The following TAF15 variants were observed in gnomAD, a reference collection of about 807,000 sequenced individuals.
The protein encoded by TAF15 is TATA-binding protein-associated factor 2N.
In TAF15, 37 loss-of-function variants were observed where a neutral mutation model predicts 102.5. That is an observed-to-expected ratio of 0.36 (90% confidence interval 0.28 to 0.47). TAF15 has a LOEUF of 0.47. Among genes scored for constraint, TAF15 ranks in the 20% least tolerant of loss-of-function variants. The pLI, the probability that TAF15 is intolerant of heterozygous loss-of-function variation, is 0.99. For synonymous variants in TAF15, 273 were observed against 259.2 expected, an observed-to-expected ratio of 1.05 and a Z score of -0.51; for missense variants, 652 against 760.7, an observed-to-expected ratio of 0.86 and a Z score of 1.68.
intron 12 of TAF15, among the ~76,000 whole-genome samples, chr17:35,843,574 G>GT (rs1568280802): frequency 6.6e-6 from 1 of 152,060 alleles, no homozygotes; most frequent in East Asian, 1.9e-4. Flanking sequence ...CTCAAACTAA[G>GT]TAGGGTATAG....
chr17:35,827,731 T>A, intron 7 of TAF15, among the ~76,000 whole-genome samples: 1 of 151,846 alleles, frequency 6.6e-6, no homozygotes, highest in South Asian at 2.1e-4. Context: ...GGGGCATAAT[T>A]TGTGGATGAG....
chr17:35,816,498 A>G (rs1326433578), intron 1 of TAF15, among the ~76,000 whole-genome samples: 1 of 152,226 alleles, frequency 6.6e-6, no homozygotes, highest in Non-Finnish European at 1.5e-5. Context: ...AAAAGAAGAA[A>G]GAAAAATTTC....
rs757286232 is a variant in TAF15, at chr17:35,844,755, T to C, written c.1456T>C (p.Tyr486His). Residue 486 changes from tyrosine (Y) to histidine (H), a missense_variant, in exon 15 of 16, where the codon TAT (tyrosine) becomes CAT (histidine). Physicochemically the swap from Tyr to His is moderately conservative, Grantham distance 83. Around this residue, in one of 3 missense-constraint regions of TAF15, gnomAD observed 368 missense variants for 367.5 expected, o/e 1.00. Transcript: ENST00000605844. ...GGGYGGDRGGYGGDRGGGYGG... is the reference protein window; with the variant it reads ...GGGYGGDRGGHGGDRGGGYGG... ...TGGCTATGGAGGAGATCGAGGTGGC[T>C]ATGGAGGAGACCGAGGTGGAGGCTA... 10 of 1,608,150 alleles carry C rather than the reference T, an allele frequency of 6.2e-6. No individual in the cohort carries two copies. The highest frequency in any genetic ancestry group is 5.0e-5 in the Admixed American group (3 of 59,472).
chr17:35,834,872 AGTAGGTGGGACTACAG>A (rs1215310168), intron 9 of TAF15, among the ~76,000 whole-genome samples: 3 of 150,992 alleles, frequency 2.0e-5, no homozygotes, highest in African/African-American at 4.9e-5. Context: ...CTGCCTCCCA[AGTAGGTGGGACTACAG>A]GTGCGCGCCA....
At chr17:35,819,996 T>G in intron 2 of TAF15, 28 bp from the exon 3 acceptor site, 3 of 1,608,574 alleles carry the variant, frequency 1.9e-6, no homozygotes, top group Non-Finnish European at 2.6e-6. Flanking sequence ...TACACATTTC[T>G]TTCAAGTATT....
Position 35,844,708 on chromosome 17 carries a change from G to A in TAF15, c.1409G>A (p.Gly470Asp). Residue 470 changes from glycine (G) to aspartate (D), a missense_variant, in exon 15 of 16, where the codon GGC becomes GAC. Around this residue, in one of 3 missense-constraint regions of TAF15, gnomAD observed 368 missense variants for 367.5 expected, o/e 1.00. Transcript: ENST00000605844. ...GGCTATGGTGGGGACAGAGGAGGCGGCTATGGAGGAGACCGAGGAGGTGGC... is the reference window on the plus strand; with the variant it reads ...GGCTATGGTGGGGACAGAGGAGGCGACTATGGAGGAGACCGAGGAGGTGGC... Reference protein sequence around the residue: ...GGGYGGDRGGGYGGDRGGGYG... With the variant: ...GGGYGGDRGGDYGGDRGGGYG... 6 of 1,598,210 alleles carry A rather than the reference G, an allele frequency of 3.8e-6. No homozygotes were observed. Among genetic ancestry groups the A allele is most frequent in the Non-Finnish European group, 5.1e-6 (6 of 1,171,868 alleles).
intron 7 of TAF15, among the ~76,000 whole-genome samples, chr17:35,831,806 G>T (rs536677617): frequency 4.5e-4 from 68 of 152,258 alleles, no homozygotes; most frequent in African/African-American, 1.6e-3. Context: ...TGAGAGGCCG[G>T]GCGTGGTGGC....
At chr17:35,844,040 T>C (rs753027550) in intron 12 of TAF15, 37 bp from the exon 13 acceptor site, 2 of 1,566,402 alleles carry the variant, frequency 1.3e-6, no homozygotes, top group African/African-American at 2.7e-5. Flanking sequence ...TGTTAATATC[T>C]GCTGCTGATT....
At chr17:35,815,431 A>C (rs189887493) in intron 1 of TAF15, among the ~76,000 whole-genome samples, 3 of 152,196 alleles carry the variant, frequency 2.0e-5, no homozygotes, top group Non-Finnish European at 4.4e-5. Flanking sequence ...GCTTATTTCT[A>C]TATCATCTGG....
At chr17:35,813,335 GAT>G (rs1232700522) in intron 1 of TAF15, among the ~76,000 whole-genome samples, 1 of 151,900 alleles carries the variant, frequency 6.6e-6, no homozygotes, top group Non-Finnish European at 1.5e-5. Context: ...AGGGGGATAA[GAT>G]ATGAAAATGA....
chr17:35,828,901 G>A (rs540067693), intron 7 of TAF15, among the ~76,000 whole-genome samples: 1 of 152,228 alleles, frequency 6.6e-6, no homozygotes, highest in Admixed American at 6.5e-5. Flanking sequence ...TGCTCAACAG[G>A]CCACATGTAG....
intron 1 of TAF15, among the ~76,000 whole-genome samples, chr17:35,814,171 A>G (rs936786113): frequency 3.4e-5 from 5 of 145,464 alleles, no homozygotes; most frequent in Non-Finnish European, 6.1e-5. Context: ...CCAAAAGGTG[A>G]TTTTTTTTTT....
At chr17:35,825,775 C>T (rs1006268076) in intron 7 of TAF15, among the ~76,000 whole-genome samples, 1 of 151,984 alleles carries the variant, frequency 6.6e-6, no homozygotes, top group Non-Finnish European at 1.5e-5. Context: ...AGTGAAACCC[C>T]GTCTCTACTA....
chr17:35,831,938 C>A (rs1195593268), intron 7 of TAF15, among the ~76,000 whole-genome samples: 1 of 152,034 alleles, frequency 6.6e-6, no homozygotes, highest in African/African-American at 2.4e-5. Context: ...AAAAATTAGC[C>A]GGGCGTGGTG....
Position 35,809,591 on chromosome 17 carries a change from C to T in TAF15, c.7+15C>T, listed in dbSNP as rs1277824739. On this transcript the variant is annotated intron_variant, in intron 1 of 15. Transcript: ENST00000605844. Reference sequence around the variant, plus strand: ...AGTCATGTCGGGTAGGTGACTTCTTCAGCGAGCAGCGGCAGCGACGAGAAG... The same window carrying T: ...AGTCATGTCGGGTAGGTGACTTCTTTAGCGAGCAGCGGCAGCGACGAGAAG... The T allele has an allele frequency of 1.6e-5, 26 of 1,613,202 alleles. No homozygotes were observed. The highest frequency in any genetic ancestry group is 2.0e-5 in the Non-Finnish European group (24 of 1,179,866).
intron 1 of TAF15, among the ~76,000 whole-genome samples, chr17:35,814,016 GTTTTTT>G (rs1305725835): frequency 6.7e-6 from 1 of 150,226 alleles, no homozygotes; most frequent in East Asian, 1.9e-4. Flanking sequence ...TGTTGTTTTT[GTTTTTT>G]TTAAGAGTAG....
chr17:35,811,980 C>T (rs2087129569), intron 1 of TAF15, among the ~76,000 whole-genome samples: 1 of 152,210 alleles, frequency 6.6e-6, no homozygotes, highest in Non-Finnish European at 1.5e-5. Context: ...AGCTAACTTG[C>T]CAGCTACCCT....
intron 11 of TAF15, among the ~76,000 whole-genome samples, chr17:35,839,029 G>T (rs746295229): frequency 6.6e-6 from 1 of 152,162 alleles, no homozygotes; most frequent in East Asian, 1.9e-4. Context: ...GCTTTGGGAG[G>T]CTGAGGCAGG....
In TAF15 at chr17:35,820,455, T is replaced by C. The variant is rs1369883887; in HGVS notation, c.290+18T>C. On this transcript the variant is annotated intron_variant, in intron 5 of 15. Transcript: ENST00000605844. ...TCAGGAAGGTAAGGAAATAGTAAAA[T>C]ACTGAGATTGTTTTGGGCAGTGGAA... 6.2e-7 allele frequency: 1 copy of C among 1,604,242 alleles called. No individual in the cohort carries two copies. Among genetic ancestry groups the C allele is most frequent in the East Asian group, 2.2e-5 (1 of 44,806 alleles).
Sources: allele counts gnomAD v4.1 joint callset (sites outside exome capture counted in the v4.1 genomes callset), GRCh38; gene constraint gnomAD v4.1.1; regional missense constraint gnomAD v4.1.1; transcripts MANE v1.5; gene names NCBI Gene and HGNC (gene_info 2026-07-23, HGNC 2026-07-21).